RYR2: variants seen among roughly 807,000 people sequenced by gnomAD.
The protein encoded by RYR2 is ryanodine receptor 2, also known as cardiac muscle ryanodine receptor-calcium release channel.
A neutral mutation model predicts 601.1 loss-of-function variants in RYR2; 227 were observed. The observed-to-expected ratio is 0.38, with a 90% CI of 0.34 to 0.42. The LOEUF (loss-of-function observed/expected upper bound fraction) is 0.42. Among genes scored for constraint, RYR2 ranks in the 10% least tolerant of loss-of-function variants. RYR2 has a pLI of 1.00. For missense variants in RYR2, 4,646 were observed against 6,156.5 expected (o/e 0.75, Z 8.21); for synonymous variants, 2,223 against 2,175.1 (o/e 1.02, Z -0.61).
chr1:237,449,743 A>G lies in RYR2; in HGVS notation c.1292+4221A>G, dbSNP rs138025424. Among the ~76,000 whole-genome samples the G allele has an allele frequency of 5.4e-3, 780 of 144,180 alleles. 17 individuals carry two copies. Among genetic ancestry groups the G allele is most frequent in the Non-Finnish European group, 2.1e-3 (140 of 65,588 alleles). The allele number at this position is 144,180 out of a possible 152,430, so 94.6% of individuals were successfully genotyped here. ...AAGTGATATTTTTGCTGTGTACAGC[A>G]TTCTAGATTGACAAGTTTTTTTTTT... On this transcript the variant is annotated intron_variant, in intron 14 of 104. Coordinates refer to ENST00000366574, the MANE Select transcript of RYR2 (RefSeq NM_001035.3).
chr1:237,160,405 C>T lies in RYR2; in HGVS notation c.49-110092C>T, dbSNP rs538972681. On this transcript the variant is annotated intron_variant, in intron 1 of 104. Transcript: ENST00000366574. Reference sequence around the variant, plus strand: ...TTCTAAATTCTTAAAGCCTACTGATCAATAGTATCAAGTGATGCTCTTTTC... The same window carrying T: ...TTCTAAATTCTTAAAGCCTACTGATTAATAGTATCAAGTGATGCTCTTTTC... Among the ~76,000 whole-genome samples the T allele has an allele frequency of 5.3e-5, 8 of 152,262 alleles. No homozygotes were observed. In the South Asian group the frequency reaches 1.2e-3, roughly 24 times the overall value.
At chr1:237,732,266 A>C (rs1690758094) in intron 78 of RYR2, 117 bp downstream of exon 78, 1 of 572,562 alleles carries the variant, frequency 1.7e-6, no homozygotes, top group Non-Finnish European at 3.0e-6. Context: ...TAGGAGAGAG[A>C]ATTGTTCAAA....
At chr1:237,297,286 T>A (rs1692881570) in intron 2 of RYR2, among the ~76,000 whole-genome samples, 1 of 152,142 alleles carries the variant, frequency 6.6e-6, no homozygotes, top group African/African-American at 2.4e-5. Context: ...AGCTGATCCA[T>A]GAATTTATAT....
intron 76 of RYR2, 77 bp from the exon 77 acceptor site, chr1:237,730,183 A>G: frequency 1.3e-6 from 1 of 785,940 alleles, no homozygotes; most frequent in Non-Finnish European, 2.3e-6. Flanking sequence ...CAGATAATCT[A>G]GTAATAAAGC....
At chr1:237,422,936 T>C (rs891652195) in intron 11 of RYR2, among the ~76,000 whole-genome samples, 156 bp from the exon 12 acceptor site, 1 of 152,256 alleles carries the variant, frequency 6.6e-6, no homozygotes, top group African/African-American at 2.4e-5. Flanking sequence ...AGCCATTTTG[T>C]TATTTGTGAA....
At chr1:237,277,972 TAATA>T (rs1289050050) in intron 2 of RYR2, among the ~76,000 whole-genome samples, 1 of 152,246 alleles carries the variant, frequency 6.6e-6, no homozygotes, top group Non-Finnish European at 1.5e-5. Context: ...ATACATGTGC[TAATA>T]AATTAATTTC....
chr1:237,356,091 G>A (rs1182308858), intron 4 of RYR2, 106 bp downstream of exon 4: 3 of 941,662 alleles, frequency 3.2e-6, no homozygotes, highest in Admixed American at 2.2e-5. Flanking sequence ...TACTATTAGT[G>A]TTCAAACTAA....
intron 22 of RYR2, 145 bp from the exon 23 acceptor site, chr1:237,506,565 C>T (rs992135666): frequency 1.7e-5 from 9 of 521,014 alleles, no homozygotes; most frequent in African/African-American, 9.8e-5. Flanking sequence ...AAAAGAATGT[C>T]GTGAAATAGA....
rs576618750 is a variant in RYR2 at position 237,333,823 on chromosome 1, C to G, written c.273+2841C>G. ...TGTGTAGTTTGCTTAAATGAAGAGC[C>G]ACTTTTCCTAGGATGAAGTGTGTCA... On this transcript the variant is annotated intron_variant, in intron 3 of 104. Coordinates refer to ENST00000366574, the MANE Select transcript of RYR2 (RefSeq NM_001035.3). 7.2e-5 allele frequency among the ~76,000 whole-genome samples: 11 copies of G among 152,228 alleles called. No individual in the cohort carries two copies. In the South Asian group the frequency reaches 2.3e-3, roughly 32 times the overall value.
intron 45 of RYR2, 95 bp downstream of exon 45, chr1:237,638,587 T>G (rs1408240101): frequency 7.6e-7 from 1 of 1,319,904 alleles, no homozygotes; most frequent in Non-Finnish European, 1.1e-6. Flanking sequence ...AAGGAAGTAT[T>G]AGTAAAGAAA....
chr1:237,777,695 T>C (rs1694777526), intron 87 of RYR2, among the ~76,000 whole-genome samples: 1 of 152,196 alleles, frequency 6.6e-6, no homozygotes, highest in Non-Finnish European at 1.5e-5. Flanking sequence ...GTATTGATAC[T>C]TCAGAAGTGT....
At chr1:237,783,297 T>TATG (rs1485699212) in intron 89 of RYR2, among the ~76,000 whole-genome samples, 1 of 152,210 alleles carries the variant, frequency 6.6e-6, no homozygotes, top group Non-Finnish European at 1.5e-5. Context: ...AGATATTGTC[T>TATG]ATGATAGTGA....
chr1:237,437,744 A>G (rs1175137686), intron 12 of RYR2, among the ~76,000 whole-genome samples: 1 of 152,258 alleles, frequency 6.6e-6, no homozygotes, highest in Non-Finnish European at 1.5e-5. Flanking sequence ...GCTTGCAATA[A>G]TTCTAGACTG....
chr1:237,115,805 G>A (rs1345271120), intron 1 of RYR2, among the ~76,000 whole-genome samples: 2 of 151,982 alleles, frequency 1.3e-5, no homozygotes, highest in African/African-American at 4.8e-5. Flanking sequence ...AAACTTTGCT[G>A]CAAAGTTTTA....
intron 4 of RYR2, among the ~76,000 whole-genome samples, chr1:237,361,686 A>C (rs2149714860): frequency 6.6e-6 from 1 of 152,278 alleles, no homozygotes; most frequent in African/African-American, 2.4e-5. Flanking sequence ...TTCCTTTTTA[A>C]AAATCAGTTT....
At chr1:237,096,375 TCTC>T (rs1667506331) in intron 1 of RYR2, among the ~76,000 whole-genome samples, 1 of 152,182 alleles carries the variant, frequency 6.6e-6, no homozygotes, top group Admixed American at 6.5e-5. Context: ...TTGTGAACCT[TCTC>T]CTTTTGTTTC....
intron 1 of RYR2, among the ~76,000 whole-genome samples, chr1:237,171,888 C>T (rs912497730): frequency 6.6e-6 from 1 of 152,138 alleles, no homozygotes; most frequent in Non-Finnish European, 1.5e-5. Flanking sequence ...CTGCTTTTAC[C>T]CACCGGTCTT....
intron 10 of RYR2, among the ~76,000 whole-genome samples, chr1:237,389,514 A>C (rs1023687802): frequency 1.3e-5 from 2 of 152,200 alleles, no homozygotes; most frequent in Admixed American, 6.6e-5. Context: ...AATGAAATGC[A>C]GTAATTCGTG....
chr1:237,171,022 C>T (rs1327452403), intron 1 of RYR2, among the ~76,000 whole-genome samples: 3 of 151,878 alleles, frequency 2.0e-5, no homozygotes, highest in Non-Finnish European at 4.4e-5. Flanking sequence ...CCCATGAGGT[C>T]GGGAGATCGA....
Sources: gnomAD v4.1 joint callset for allele counts (sites outside exome capture counted in the v4.1 genomes callset) on GRCh38, gnomAD v4.1.1 for gene constraint, MANE v1.5 for transcripts, NCBI Gene and HGNC (gene_info 2026-07-23, HGNC 2026-07-21) for gene names.